Variants in PCDHGA9 observed in about 807,000 individuals in gnomAD.
The protein encoded by PCDHGA9 is protocadherin gamma-A9.
A neutral mutation model predicts 62.5 loss-of-function variants in PCDHGA9; 37 were observed. The observed-to-expected ratio is 0.59, with a 90% CI of 0.46 to 0.78. The LOEUF is 0.78. Ranked by LOEUF, PCDHGA9 falls within the 30% of genes least tolerant of loss-of-function variation. The probability of loss-of-function intolerance (pLI) is 0.00; values close to 1 mark genes in which losing one functional copy is unlikely to be tolerated. For synonymous variants in PCDHGA9, 459 were observed against 484.6 expected, an observed-to-expected ratio of 0.95 and a Z score of 0.69; for missense variants, 1,138 against 1,166.2, an observed-to-expected ratio of 0.98 and a Z score of 0.35.
chr5:141,423,086 T>TG, intron 1 of PCDHGA9: 1 of 1,613,912 alleles, frequency 6.2e-7, no homozygotes, highest in South Asian at 1.1e-5. Flanking sequence ...CTCTTCGCGG[T>TG]GGGGGAGCAC....
chr5:141,444,915 T>C (rs1262912255), intron 1 of PCDHGA9, among the ~76,000 whole-genome samples: 1 of 152,174 alleles, frequency 6.6e-6, no homozygotes, highest in East Asian at 1.9e-4. Flanking sequence ...TCTATACCTT[T>C]ATCAGGGAAA....
Position 141,403,961 on chromosome 5 carries a change from G to A in PCDHGA9, c.1009G>A (p.Val337Met), listed in dbSNP as rs763967342. 8.1e-6 allele frequency: 13 copies of A among 1,613,892 alleles called. No individual in the cohort carries two copies. Among genetic ancestry groups the A allele is most frequent in the Non-Finnish European group, 1.1e-5 (13 of 1,179,856 alleles). The change falls in exon 1 of 4, where the codon GTG becomes ATG. Residue 337 changes from valine to methionine, a missense_variant. Transcript: ENST00000573521. ...LKGWTKVLIS[V>M]EDVNDNRPEV... ...AGGGTGGACAAAAGTGCTCATTTCG[G>A]TGGAAGATGTAAATGACAATAGACC...
Position 141,431,804 on chromosome 5 carries a change from C to G in PCDHGA9, c.2424+26428C>G. On this transcript the variant is annotated intron_variant, in intron 1 of 3. Transcript: ENST00000573521. This position sits in a 1 kb window ranked among gnomAD's most constrained non-coding sequence, Gnocchi z 4.8. Reference sequence around the variant, plus strand: ...GAACGACAATGCCCCAGAAGTGGTCCTCACCTCTCTCGCCAGCTCGGTTCC... The same window carrying G: ...GAACGACAATGCCCCAGAAGTGGTCGTCACCTCTCTCGCCAGCTCGGTTCC... 6.2e-7 allele frequency: 1 copy of G among 1,614,232 alleles called. No homozygotes were observed. The highest frequency in any genetic ancestry group is 1.3e-5 in the African/African-American group (1 of 75,056).
In PCDHGA9 at chr5:141,403,131, C is replaced by A. The variant is rs1377543238; in HGVS notation, c.179C>A (p.Ala60Glu). ...KDLALEPREL[A>E]ERRVRIVSRG... The stretch of plus-strand genomic sequence containing the variant: ...CTGGCTCTGGAGCCCCGGGAGCTGG[C>A]GGAGCGCCGAGTCCGCATCGTCTCT... Residue 60 changes from alanine (A) to glutamate (E), a missense_variant, in exon 1 of 4, where the codon GCG becomes GAG. Physicochemically the swap from Ala to Glu is moderately radical, Grantham distance 107. Transcript: ENST00000573521. 2 of 1,613,916 alleles carry A rather than the reference C, an allele frequency of 1.2e-6. No individual in the cohort carries two copies. The highest frequency in any genetic ancestry group is 4.5e-5 in the East Asian group (2 of 44,892).
chr5:141,415,126 C>T, intron 1 of PCDHGA9: 1 of 1,613,688 alleles, frequency 6.2e-7, no homozygotes, highest in Non-Finnish European at 8.5e-7. Context: ...AGTGGCCGTC[C>T]AGGACCACGG....
intron 1 of PCDHGA9, chr5:141,408,577 T>C (rs771768269): frequency 6.2e-7 from 1 of 1,614,068 alleles, no homozygotes; most frequent in South Asian, 1.1e-5. Flanking sequence ...TGATTGAGGA[T>C]GTTAATGACC....
intron 1 of PCDHGA9, among the ~76,000 whole-genome samples, chr5:141,473,191 G>C (rs28479996): frequency 6.6e-6 from 1 of 152,134 alleles, no homozygotes; most frequent in South Asian, 2.1e-4. Flanking sequence ...AGGAGTAAAT[G>C]TATCTTCTAA....
intron 1 of PCDHGA9, chr5:141,422,520 G>A (rs759529752): frequency 1.9e-6 from 3 of 1,613,946 alleles, no homozygotes; most frequent in South Asian, 2.2e-5. Flanking sequence ...AGGGAAGCCC[G>A]CCTTTGTCTG....
Position 141,511,381 on chromosome 5 carries a change from G to C in PCDHGA9, c.*208G>C. 8.5e-7 allele frequency: 1 copy of C among 1,170,380 alleles called. No individual in the cohort carries two copies. Among genetic ancestry groups the C allele is most frequent in the Non-Finnish European group, 1.2e-6 (1 of 854,768 alleles). 72.5% of individuals were successfully genotyped at this position (1,170,380 alleles called of 1,614,324 possible). On this transcript the variant is annotated 3_prime_UTR_variant, in exon 4 of 4. Coordinates refer to ENST00000573521, the MANE Select transcript of PCDHGA9 (RefSeq NM_018921.3). The stretch of plus-strand genomic sequence containing the variant: ...GGGTTGAATATGCAAAAGCAGTTCC[G>C]CTGGGAACCCCCATCCAATCAACTG...
chr5:141,470,323 A>C (rs1029928511), intron 1 of PCDHGA9, among the ~76,000 whole-genome samples: 1 of 152,188 alleles, frequency 6.6e-6, no homozygotes, highest in African/African-American at 2.4e-5. Flanking sequence ...AAATGATCCC[A>C]TAATTTGACC....
chr5:141,409,748 G>C, intron 1 of PCDHGA9: 2 of 1,613,018 alleles, frequency 1.2e-6, no homozygotes, highest in South Asian at 2.2e-5. Context: ...GGTGGTGTTC[G>C]CGCAGCGCGC....
chr5:141,478,394 G>A, intron 1 of PCDHGA9: 1 of 1,613,586 alleles, frequency 6.2e-7, no homozygotes, highest in Non-Finnish European at 8.5e-7. Context: ...TTACCATCAG[G>A]TGTATCTCAC....
At chr5:141,418,481 C>G (rs1438009750) in intron 1 of PCDHGA9, 1 of 1,614,006 alleles carries the variant, frequency 6.2e-7, no homozygotes, top group Admixed American at 1.7e-5. Context: ...GCAGAGCGCT[C>G]ACCACTTGGT....
chr5:141,500,104 T>C (rs917633032), intron 2 of PCDHGA9, among the ~76,000 whole-genome samples: 1 of 152,124 alleles, frequency 6.6e-6, no homozygotes, highest in Non-Finnish European at 1.5e-5. Context: ...AATTTATTTG[T>C]TGAATCCCTG....
rs774079222 is a variant in PCDHGA9, at chr5:141,491,314, C to G, written c.2425-3493C>G. On this transcript the variant is annotated intron_variant, in intron 1 of 3. Transcript: ENST00000573521. The surrounding 1 kb of genome is among the most constrained non-coding windows in gnomAD (Gnocchi z 6.9). ...CCCTCCTGAGCGTTCAGACCTTACC[C>G]TTTACCTCATTGTGGCTCTAGCGAC... is the stretch of plus-strand genomic sequence containing the variant. 6 of 1,614,064 alleles carry G rather than the reference C, an allele frequency of 3.7e-6. No individual in the cohort carries two copies. In the South Asian group the frequency reaches 5.5e-5, roughly 15 times the overall value.
At chr5:141,482,033 C>G (rs1185284483) in intron 1 of PCDHGA9, among the ~76,000 whole-genome samples, 1 of 149,194 alleles carries the variant, frequency 6.7e-6, no homozygotes, top group African/African-American at 2.5e-5. Flanking sequence ...TGCAGTGAGC[C>G]AAGATCATGC....
chr5:141,503,222 G>T (rs540244346), intron 2 of PCDHGA9, among the ~76,000 whole-genome samples: 1 of 152,120 alleles, frequency 6.6e-6, no homozygotes, highest in East Asian at 1.9e-4. Context: ...CATGAGCACC[G>T]TAAAGATGGA....
intron 1 of PCDHGA9, among the ~76,000 whole-genome samples, chr5:141,449,588 C>CAA (rs768743917): frequency 2.4e-4 from 14 of 57,430 alleles, no homozygotes; most frequent in Non-Finnish European, 3.7e-4. Flanking sequence ...GACTCTGTCT[C>CAA]AAAAAAAAAA....
intron 1 of PCDHGA9, chr5:141,410,503 A>G: frequency 6.2e-7 from 1 of 1,613,958 alleles, no homozygotes; most frequent in Non-Finnish European, 8.5e-7. Context: ...TTAATTTCCT[A>G]AAATGCAGTG....
Sources: allele counts gnomAD v4.1 joint callset (sites outside exome capture counted in the v4.1 genomes callset), GRCh38; gene constraint gnomAD v4.1.1; non-coding constraint Gnocchi (gnomAD v3.1); transcripts MANE v1.5; gene names NCBI Gene and HGNC (gene_info 2026-07-23, HGNC 2026-07-21).